FRMD1: variants seen among roughly 807,000 people sequenced by gnomAD.
The protein encoded by FRMD1 is FERM domain containing 1, also known as FERM domain-containing protein 1.
A neutral mutation model predicts 54.9 loss-of-function variants in FRMD1; 51 were observed. That is an observed-to-expected ratio of 0.93 (90% CI 0.74 to 1.17). The LOEUF (loss-of-function observed/expected upper bound fraction) is 1.17, where lower values mean the gene tolerates loss of function less well. Ranked by LOEUF, FRMD1 falls within the 50% of genes most tolerant of loss-of-function variation. The probability of loss-of-function intolerance (pLI) is 0.00; values close to 1 mark genes in which losing one functional copy is unlikely to be tolerated. For synonymous variants in FRMD1, 324 were observed against 306.4 expected (o/e 1.06, Z -0.60); for missense variants, 729 against 743.0 (o/e 0.98, Z 0.22).
intron 1 of FRMD1, among the ~76,000 whole-genome samples, chr6:168,086,685 G>A (rs1416922273): frequency 6.6e-6 from 1 of 152,252 alleles, no homozygotes; most frequent in African/African-American, 2.4e-5. Context: ...CACTGGCTGT[G>A]CCTGATCATG....
intron 2 of FRMD1, among the ~76,000 whole-genome samples, chr6:168,074,616 GTGCA>G (rs1156358022): frequency 2.0e-5 from 3 of 149,904 alleles, no homozygotes; most frequent in African/African-American, 4.9e-5. Context: ...CATGTGTGTG[GTGCA>G]TGCATGTGTA....
chr6:168,087,730 G>A (rs1028091558), intron 1 of FRMD1, among the ~76,000 whole-genome samples: 8 of 152,188 alleles, frequency 5.3e-5, no homozygotes, highest in African/African-American at 1.9e-4. Flanking sequence ...TGGGGAGATT[G>A]GGCTCCTGGG....
chr6:168,087,687 G>A (rs1800945145), intron 1 of FRMD1, among the ~76,000 whole-genome samples: 2 of 152,230 alleles, frequency 1.3e-5, no homozygotes, highest in Admixed American at 6.5e-5. Flanking sequence ...GAGATGTGAG[G>A]ACATCCCACT....
At chr6:168,081,675 C>T (rs1800834451), upstream of FRMD1, 2 of 601,874 alleles carry the variant, frequency 3.3e-6, no homozygotes, top group African/African-American at 1.9e-5. Flanking sequence ...GCAGAACTGA[C>T]ACAGGCACAG....
In FRMD1 at chr6:168,060,762, T is replaced by C; in HGVS notation, c.1341A>G (p.Gln447=). The change falls in exon 9 of 11, where the codon CAA becomes CAG. Residue 447 remains glutamine, a splice_region_variant and synonymous_variant. Coordinates refer to ENST00000283309, the MANE Select transcript of FRMD1 (RefSeq NM_024919.6). ...CCTGGGCATCTCCCTCGGGCCCACCTTGGCTGTCACCACGTGTGCTGGGGT... is the reference window on the plus strand; with the variant it reads ...CCTGGGCATCTCCCTCGGGCCCACCCTGGCTGTCACCACGTGTGCTGGGGT... The part of the protein sequence containing the change: ...RSHPSTRGDS[Q]ATRQEPCTQV... 6.2e-7 allele frequency: 1 copy of C among 1,606,812 alleles called. No individual in the cohort carries two copies. Among genetic ancestry groups the C allele is most frequent in the Non-Finnish European group, 8.5e-7 (1 of 1,174,976 alleles).
upstream of FRMD1, among the ~76,000 whole-genome samples, chr6:168,080,834 C>T (rs1440760547): frequency 2.0e-5 from 3 of 150,022 alleles, no homozygotes; most frequent in South Asian, 2.2e-4. Flanking sequence ...CTGGTTTGTG[C>T]GGGCGCTGGT....
In FRMD1 at chr6:168,062,919, G is replaced by C. The variant is rs376687499; in HGVS notation, c.845C>G (p.Ala282Gly). 3.1e-6 allele frequency: 5 copies of C among 1,613,948 alleles called. No individual in the cohort carries two copies. The highest frequency in any genetic ancestry group is 4.2e-6 in the Non-Finnish European group (5 of 1,179,962). The change falls in exon 7 of 11, where the codon GCC (alanine) becomes GGC (glycine). Residue 282 changes from alanine to glycine, a missense_variant. By Grantham distance (60) the Ala-to-Gly change is moderately conservative. Coordinates refer to ENST00000283309, the MANE Select transcript of FRMD1 (RefSeq NM_024919.6). ...EGRPTVILGL[A>G]LRGVHIYQGK... ...CTGGTAGATGTGCACTCCCCTGAGG[G>C]CCAGTCCCAGGATCACGGTGGGACG...
chr6:168,076,246 C>A (rs1352817954), intron 1 of FRMD1, among the ~76,000 whole-genome samples: 1 of 152,234 alleles, frequency 6.6e-6, no homozygotes, highest in Non-Finnish European at 1.5e-5. Context: ...CACAGCAGGG[C>A]ACAGCTGGGG....
At chr6:168,078,305 C>T (rs956826527) in intron 1 of FRMD1, among the ~76,000 whole-genome samples, 5 of 152,086 alleles carry the variant, frequency 3.3e-5, no homozygotes, top group South Asian at 2.1e-4. Flanking sequence ...CCTTGGAAAC[C>T]GGCTTCCTGG....
upstream of FRMD1, among the ~76,000 whole-genome samples, chr6:168,082,236 T>TACCG (rs1462927290): frequency 6.6e-6 from 1 of 152,224 alleles, no homozygotes; most frequent in Non-Finnish European, 1.5e-5. Flanking sequence ...CGAGGCCCTT[T>TACCG]ACCGACTCGG....
intron 4 of FRMD1, chr6:168,066,099 G>A (rs1800011522): frequency 7.0e-6 from 7 of 994,726 alleles, no homozygotes; most frequent in Non-Finnish European, 8.4e-6. Flanking sequence ...AGCGAGAACC[G>A]CCACGCAGCA....
chr6:168,064,487 A>C (rs547089053), intron 5 of FRMD1, among the ~76,000 whole-genome samples: 13 of 151,868 alleles, frequency 8.6e-5, no homozygotes, highest in African/African-American at 2.7e-4. Context: ...AGAGACTCCT[A>C]CGGGTCCCAG....
chr6:168,064,330 C>T (rs1256409179), intron 5 of FRMD1, among the ~76,000 whole-genome samples: 1 of 152,240 alleles, frequency 6.6e-6, no homozygotes, highest in East Asian at 1.9e-4. Context: ...GGGCCTGCAT[C>T]CCCGGGGTGA....
At chr6:168,081,536 C>T (rs535841082), upstream of FRMD1, 1 of 1,515,982 alleles carries the variant, frequency 6.6e-7, no homozygotes, top group East Asian at 2.5e-5. Context: ...GGCTGGTTTC[C>T]ATCCTCTATC....
In FRMD1 at chr6:168,066,617, C is replaced by T. The variant is rs768719479; in HGVS notation, c.461+138G>A. On this transcript the variant is annotated intron_variant, in intron 4 of 10. Coordinates refer to ENST00000283309, the MANE Select transcript of FRMD1 (RefSeq NM_024919.6). ...CTGTGTTAACCCCAAAGCAAACAGC[C>T]GATATAGTGGGGTTGTTTGTTTGTT... is the stretch of plus-strand genomic sequence containing the variant. The T allele has an allele frequency of 1.0e-5, 15 of 1,429,268 alleles. No individual in the cohort carries two copies. In the East Asian group the frequency reaches 1.3e-4, roughly 12 times the overall value. The allele number at this position is 1,429,268 out of a possible 1,614,324, so 88.5% of individuals were successfully genotyped here. A position where few individuals can be genotyped will look rare whatever the true frequency, so the allele number is the denominator to read the frequency against.
At chr6:168,082,716 A>G (rs1282349748), upstream of FRMD1, among the ~76,000 whole-genome samples, 2 of 152,172 alleles carry the variant, frequency 1.3e-5, no homozygotes, top group Admixed American at 6.5e-5. Flanking sequence ...TTCAGAAATC[A>G]TCTCAGAAAA....
Position 168,077,810 on chromosome 6 carries a change from C to G in FRMD1, c.213+1072G>C, listed in dbSNP as rs79145933. 8.5e-3 allele frequency among the ~76,000 whole-genome samples: 1,294 copies of G among 152,338 alleles called. 17 individuals are homozygous for G. Among genetic ancestry groups the G allele is most frequent in the African/African-American group, 0.028 (1,169 of 41,578 alleles). On this transcript the variant is annotated intron_variant, in intron 1 of 10. Coordinates refer to ENST00000283309, the MANE Select transcript of FRMD1 (RefSeq NM_024919.6). The stretch of plus-strand genomic sequence containing the variant: ...CAAAGCCCCAGCATCTTCCCCACAA[C>G]AGGTCCTCTTATGACCCCTCCCCCA...
intron 3 of FRMD1, 37 bp downstream of exon 3, chr6:168,067,330 G>T: frequency 7.3e-7 from 1 of 1,367,862 alleles, no homozygotes; most frequent in Non-Finnish European, 1.0e-6. Flanking sequence ...AGCCCACCGC[G>T]GTGCCTGCCC....
intron 1 of FRMD1, among the ~76,000 whole-genome samples, chr6:168,090,814 T>C (rs1202282433): frequency 6.6e-6 from 1 of 152,190 alleles, no homozygotes; most frequent in African/African-American, 2.4e-5. Flanking sequence ...TGCACGGTGC[T>C]TCCATGTGAT....
Sources: allele counts gnomAD v4.1 joint callset (sites outside exome capture counted in the v4.1 genomes callset), GRCh38; gene constraint gnomAD v4.1.1; transcripts MANE v1.5; gene names NCBI Gene and HGNC (gene_info 2026-07-23, HGNC 2026-07-21).